ST3GAL1: variants seen among roughly 807,000 people sequenced by gnomAD.
ST3GAL1 encodes ST3 beta-galactoside alpha-2,3-sialyltransferase 1.
ST3GAL1 carries 16 observed loss-of-function variants against 34.1 expected under a neutral mutation model. That is an observed-to-expected ratio of 0.47 (90% CI 0.32 to 0.71). The LOEUF is 0.71. Among genes scored for constraint, ST3GAL1 ranks in the 30% least tolerant of loss-of-function variants. ST3GAL1 has a pLI of 0.04. For synonymous variants in ST3GAL1, 191 were observed against 184.7 expected, an observed-to-expected ratio of 1.03 and a Z score of -0.28; for missense variants, 353 against 447.4, an observed-to-expected ratio of 0.79 and a Z score of 1.90.
chr8:133,550,267 C>A (rs971426524), intron 1 of ST3GAL1, among the ~76,000 whole-genome samples: 8 of 152,180 alleles, frequency 5.3e-5, no homozygotes, highest in African/African-American at 1.9e-4. Flanking sequence ...CCCTATTTCC[C>A]CACCCTTCCA....
At chr8:133,460,369 G>A (rs1815452451) in intron 9 of ST3GAL1, among the ~76,000 whole-genome samples, 1 of 152,168 alleles carries the variant, frequency 6.6e-6, no homozygotes, top group Non-Finnish European at 1.5e-5. Context: ...GGTGCCCTGG[G>A]CATGTGAAGT....
rs146781747 is a variant in ST3GAL1, at chr8:133,500,774, G to A, written c.-428-1585C>T. On this transcript the variant is annotated intron_variant, in intron 2 of 9. Coordinates refer to ENST00000522652, the MANE Select transcript of ST3GAL1 (RefSeq NM_173344.3). ...GGCCTCTCAGCCATGCTCCCTGAGG[G>A]CTGAACTATCATCATCTTCATCATC... is the stretch of plus-strand genomic sequence containing the variant. Among the ~76,000 whole-genome samples the A allele has an allele frequency of 3.3e-5, 5 of 152,190 alleles. No individual in the cohort carries two copies. The South Asian group carries it at 8.3e-4, about 25-fold the overall frequency.
At chr8:133,543,180 C>T (rs1385688498) in intron 2 of ST3GAL1, among the ~76,000 whole-genome samples, 1 of 152,186 alleles carries the variant, frequency 6.6e-6, no homozygotes, top group East Asian at 1.9e-4. Flanking sequence ...GCTAGTCCTG[C>T]CAACCTAATC....
At chr8:133,519,410 C>T (rs73711003) in intron 2 of ST3GAL1, among the ~76,000 whole-genome samples, 44 of 152,212 alleles carry the variant, frequency 2.9e-4, no homozygotes, top group African/African-American at 1.1e-3. Flanking sequence ...CCCAGCAATT[C>T]CATTCCTGGG....
At chr8:133,532,669 C>T (rs985218173) in intron 2 of ST3GAL1, among the ~76,000 whole-genome samples, 7 of 152,158 alleles carry the variant, frequency 4.6e-5, no homozygotes, top group Non-Finnish European at 8.8e-5. Flanking sequence ...AACTTTGGGG[C>T]GGCTCGTGTG....
At chr8:133,525,504 T>G (rs1817942395) in intron 2 of ST3GAL1, among the ~76,000 whole-genome samples, 1 of 152,176 alleles carries the variant, frequency 6.6e-6, no homozygotes, top group Non-Finnish European at 1.5e-5. Context: ...CTTCAGGCTG[T>G]CCCTGGGTTG....
At chr8:133,463,360 G>A (rs1815585179) in intron 8 of ST3GAL1, 54 bp downstream of exon 8, 1 of 1,599,588 alleles carries the variant, frequency 6.3e-7, no homozygotes, top group African/African-American at 1.3e-5. Flanking sequence ...TTAGAGCAGA[G>A]CCTTAGATGA....
At chr8:133,468,088 A>T (rs1185573337) in intron 5 of ST3GAL1, among the ~76,000 whole-genome samples, 18 of 152,300 alleles carry the variant, frequency 1.2e-4, no homozygotes, top group Non-Finnish European at 1.9e-4. Context: ...CAGAACAGCC[A>T]TGTGGCCTAC....
chr8:133,509,150 A>C (rs369102252), intron 2 of ST3GAL1, among the ~76,000 whole-genome samples: 6 of 152,356 alleles, frequency 3.9e-5, no homozygotes, highest in African/African-American at 1.2e-4. Flanking sequence ...TTCCTAACTA[A>C]ATTAGCTAAT....
At chr8:133,527,808 CT>C (rs1201586092) in intron 2 of ST3GAL1, among the ~76,000 whole-genome samples, 3 of 152,174 alleles carry the variant, frequency 2.0e-5, no homozygotes, top group African/African-American at 7.2e-5. Context: ...ATCATAACTC[CT>C]TGAAGTCAAT....
At chr8:133,491,168 T>C (rs1327597088) in intron 3 of ST3GAL1, among the ~76,000 whole-genome samples, 1 of 152,116 alleles carries the variant, frequency 6.6e-6, no homozygotes, top group Non-Finnish European at 1.5e-5. Flanking sequence ...TAGGGTCACA[T>C]GAGAAGGAGG....
intron 2 of ST3GAL1, among the ~76,000 whole-genome samples, chr8:133,521,338 G>A (rs1290218081): frequency 1.3e-5 from 2 of 151,766 alleles, no homozygotes; most frequent in Non-Finnish European, 2.9e-5. Flanking sequence ...TTGCTCTATT[G>A]CCCAGGCTAG....
In ST3GAL1 at chr8:133,463,418, T is replaced by G. The variant is rs1468228701; in HGVS notation, c.725A>C (p.Asp242Ala). Residue 242 changes from aspartate (D) to alanine (A), a missense_variant, in exon 8 of 10, where the codon GAT (aspartate) becomes GCT (alanine). Coordinates refer to ENST00000522652, the MANE Select transcript of ST3GAL1 (RefSeq NM_173344.3). ...PVPAKIRVKQ[D>A]KILIYHPAFI... ...GGGGCCGGGGCCTCCACTCACCTTA[T>G]CCTGTTTCACTCTGATCTTTGCAGG... 6.2e-7 allele frequency: 1 copy of G among 1,613,936 alleles called. No individual in the cohort carries two copies. The highest frequency in any genetic ancestry group is 1.3e-5 in the African/African-American group (1 of 75,010).
intron 2 of ST3GAL1, among the ~76,000 whole-genome samples, chr8:133,518,478 T>C (rs1365706665): frequency 1.3e-5 from 2 of 152,192 alleles, no homozygotes; most frequent in Non-Finnish European, 2.9e-5. Flanking sequence ...AATTTCAGGG[T>C]TGGAAAAGAC....
chr8:133,561,073 CT>C (rs1819205650), intron 1 of ST3GAL1, among the ~76,000 whole-genome samples: 1 of 146,326 alleles, frequency 6.8e-6, no homozygotes. Flanking sequence ...AAATTATTTT[CT>C]GTGAAGCCTT....
At chr8:133,481,225 C>T (rs1816371129) in intron 3 of ST3GAL1, among the ~76,000 whole-genome samples, 2 of 152,222 alleles carry the variant, frequency 1.3e-5, no homozygotes, top group South Asian at 4.1e-4. Context: ...CCGGTTGTCT[C>T]CTGATGAGCA....
In ST3GAL1 at chr8:133,455,921, C is replaced by T. The variant is rs1433718519; in HGVS notation, c.*3843G>A. The T allele has an allele frequency of 6.6e-6, 1 of 152,222 alleles. No homozygotes were observed. Among genetic ancestry groups the T allele is most frequent in the African/African-American group, 2.4e-5 (1 of 41,456 alleles). 9.4% of individuals were successfully genotyped at this position (152,222 alleles called of 1,614,324 possible). A position where few individuals can be genotyped will look rare whatever the true frequency, so the allele number is the denominator to read the frequency against. ...ATCCAAGTGGGACTGGCCTCTAGCA[C>T]CACCTTCTGGCCACAGCAGAGAATG... On this transcript the variant is annotated 3_prime_UTR_variant, in exon 10 of 10. Coordinates refer to ENST00000522652, the MANE Select transcript of ST3GAL1 (RefSeq NM_173344.3).
rs1201211729 is a variant in ST3GAL1, at chr8:133,458,909, A to C, written c.*855T>G. On this transcript the variant is annotated 3_prime_UTR_variant, in exon 10 of 10. Transcript: ENST00000522652. ...TTCTTTTTTTTTTTTTTTCAGAGAC[A>C]GGGTCTCACTCTGTTGCCCAGGCTG... The C allele has an allele frequency of 6.8e-6, 1 of 147,146 alleles. No individual in the cohort carries two copies. Among genetic ancestry groups the C allele is most frequent in the Non-Finnish European group, 1.5e-5 (1 of 67,162 alleles). 9.1% of individuals were successfully genotyped at this position (147,146 alleles called of 1,614,324 possible).
chr8:133,570,995 G>A lies in ST3GAL1; in HGVS notation c.-582+698C>T, dbSNP rs1819550864. Among the ~76,000 whole-genome samples the A allele has an allele frequency of 6.6e-6, 1 of 152,140 alleles. No individual in the cohort carries two copies. Among genetic ancestry groups the A allele is most frequent in the South Asian group, 2.1e-4 (1 of 4,828 alleles). ...GCCGTGCTCTCCTTGGCCCACCCGC[G>A]TCCCCCACTGTCCGCCACGCCGCGT... On this transcript the variant is annotated intron_variant, in intron 1 of 9. Transcript: ENST00000522652. This position sits in a 1 kb window ranked among gnomAD's most constrained non-coding sequence, Gnocchi z 5.6.
Sources: gnomAD v4.1 joint callset for allele counts (sites outside exome capture counted in the v4.1 genomes callset) on GRCh38, gnomAD v4.1.1 for gene constraint, Gnocchi (gnomAD v3.1) non-coding constraint, MANE v1.5 for transcripts, NCBI Gene and HGNC (gene_info 2026-07-23, HGNC 2026-07-21) for gene names.